The following CAMK1D variants were observed in gnomAD, a reference collection of about 807,000 sequenced individuals.
CAMK1D encodes the protein calcium/calmodulin dependent protein kinase ID.
A neutral mutation model predicts 47.7 loss-of-function variants in CAMK1D; 9 were observed. The ratio of observed to expected loss-of-function variants is 0.19; its 90% CI spans 0.11 to 0.33. The LOEUF (loss-of-function observed/expected upper bound fraction) is 0.33, where lower values mean the gene tolerates loss of function less well. Ranked by LOEUF, CAMK1D falls within the 10% of genes least tolerant of loss-of-function variation. CAMK1D has a pLI of 1.00. For synonymous variants in CAMK1D, 184 were observed against 184.9 expected, an observed-to-expected ratio of 0.99 and a Z score of 0.04; for missense variants, 291 against 488.7, an observed-to-expected ratio of 0.60 and a Z score of 3.81.
At chr10:12,455,779 T>C (rs952301400) in intron 1 of CAMK1D, among the ~76,000 whole-genome samples, 8 of 152,182 alleles carry the variant, frequency 5.3e-5, no homozygotes, top group Non-Finnish European at 5.9e-5. Flanking sequence ...GTTCTTAGAA[T>C]TGACATTTAC....
At chr10:12,423,016 G>T (rs1394491931) in intron 1 of CAMK1D, among the ~76,000 whole-genome samples, 4 of 152,000 alleles carry the variant, frequency 2.6e-5, no homozygotes. Context: ...ACTATGACTT[G>T]TTTCTTTTGG....
intron 6 of CAMK1D, among the ~76,000 whole-genome samples, chr10:12,802,219 A>G (rs1838511614): frequency 6.6e-6 from 1 of 152,174 alleles, no homozygotes; most frequent in South Asian, 2.1e-4. Context: ...ATTTCTCCCC[A>G]TCAGCGAGGC....
intron 3 of CAMK1D, among the ~76,000 whole-genome samples, chr10:12,751,232 G>A (rs1037605385): frequency 3.3e-5 from 5 of 152,108 alleles, no homozygotes; most frequent in Non-Finnish European, 5.9e-5. Context: ...CACTCACTAT[G>A]CAGTTTTGTG....
intron 1 of CAMK1D, among the ~76,000 whole-genome samples, chr10:12,451,492 C>G (rs1285347191): frequency 6.6e-6 from 1 of 152,172 alleles, no homozygotes; most frequent in Non-Finnish European, 1.5e-5. Flanking sequence ...TGCCCTGGCT[C>G]CATTTGAGGA....
chr10:12,465,541 G>C (rs965411538), intron 1 of CAMK1D, among the ~76,000 whole-genome samples: 2 of 152,144 alleles, frequency 1.3e-5, no homozygotes, highest in Non-Finnish European at 2.9e-5. Flanking sequence ...TTTTAGTAGA[G>C]ATGGCGTTTC....
chr10:12,720,367 C>T (rs566665699), intron 3 of CAMK1D, among the ~76,000 whole-genome samples: 2 of 152,340 alleles, frequency 1.3e-5, no homozygotes, highest in East Asian at 1.9e-4. Context: ...CTTAGGCCTT[C>T]ATTTACAGAT....
At chr10:12,560,034 G>A (rs1052052742) in intron 2 of CAMK1D, among the ~76,000 whole-genome samples, 3 of 152,132 alleles carry the variant, frequency 2.0e-5, no homozygotes, top group African/African-American at 7.2e-5. Flanking sequence ...TCCTCTCAAT[G>A]CGGACCAGAG....
intron 1 of CAMK1D, among the ~76,000 whole-genome samples, chr10:12,548,447 C>CTTTTTTTT (rs35061502): frequency 1.6e-4 from 13 of 81,196 alleles, no homozygotes; most frequent in East Asian, 4.1e-4. Context: ...CCATTTTAAG[C>CTTTTTTTT]TTTTTTTTTT....
At chr10:12,568,121 C>CTGT in intron 2 of CAMK1D, among the ~76,000 whole-genome samples, 1 of 49,850 alleles carries the variant, frequency 2.0e-5, no homozygotes, top group African/African-American at 8.6e-5. Context: ...GCCTTCCTGC[C>CTGT]CTCCTTCCCT....
intron 6 of CAMK1D, among the ~76,000 whole-genome samples, chr10:12,804,551 T>C (rs1838631843): frequency 6.6e-6 from 1 of 151,922 alleles, no homozygotes; most frequent in South Asian, 2.1e-4. Flanking sequence ...GAGGTGGAGA[T>C]TGTACCATTG....
chr10:12,524,165 C>T (rs1205748741), intron 1 of CAMK1D, among the ~76,000 whole-genome samples: 1 of 151,574 alleles, frequency 6.6e-6, no homozygotes, highest in Admixed American at 6.6e-5. Flanking sequence ...CAGGGTTTCA[C>T]GTTGTTAGCC....
chr10:12,748,422 G>A (rs1835779804), intron 3 of CAMK1D, among the ~76,000 whole-genome samples: 2 of 152,166 alleles, frequency 1.3e-5, no homozygotes, highest in African/African-American at 4.8e-5. Flanking sequence ...AGGGGCCCAC[G>A]GGCAGGGATG....
At chr10:12,729,852 C>T (rs951925928) in intron 3 of CAMK1D, among the ~76,000 whole-genome samples, 5 of 151,884 alleles carry the variant, frequency 3.3e-5, no homozygotes, top group South Asian at 2.1e-4. Flanking sequence ...CAAGGCCCAG[C>T]GGAAGGCTGG....
At chr10:12,419,424 T>C (rs1839970035) in intron 1 of CAMK1D, among the ~76,000 whole-genome samples, 1 of 152,168 alleles carries the variant, frequency 6.6e-6, no homozygotes, top group Non-Finnish European at 1.5e-5. Context: ...TCCAAGTTAC[T>C]ATGAAAAATG....
chr10:12,739,520 A>T (rs910566848), intron 3 of CAMK1D, among the ~76,000 whole-genome samples: 3 of 145,790 alleles, frequency 2.1e-5, no homozygotes, highest in African/African-American at 5.1e-5. Flanking sequence ...CGAACTCCTG[A>T]CCTCGTGATC....
At chr10:12,794,363 A>G (rs1227071528) in intron 6 of CAMK1D, among the ~76,000 whole-genome samples, 1 of 152,142 alleles carries the variant, frequency 6.6e-6, no homozygotes, top group Non-Finnish European at 1.5e-5. Context: ...GGGTGAGATC[A>G]ATAATTTGGT....
chr10:12,760,739 T>A (rs1198001765), intron 3 of CAMK1D: 6 of 549,752 alleles, frequency 1.1e-5, no homozygotes, highest in African/African-American at 3.8e-5. Context: ...CGTGTTTTTT[T>A]AAATTTCCTT....
chr10:12,448,568 G>T (rs555304966), intron 1 of CAMK1D, among the ~76,000 whole-genome samples: 3 of 152,236 alleles, frequency 2.0e-5, no homozygotes, highest in African/African-American at 7.2e-5. Flanking sequence ...AGATACTACG[G>T]ACTTCTTGCC....
chr10:12,600,341 A>G (rs989546222), intron 2 of CAMK1D, among the ~76,000 whole-genome samples: 1 of 152,186 alleles, frequency 6.6e-6, no homozygotes, highest in East Asian at 1.9e-4. Flanking sequence ...GAATGAAACA[A>G]TGGGCCCTAC....
Sources: gnomAD v4.1 joint callset for allele counts (sites outside exome capture counted in the v4.1 genomes callset) on GRCh38, gnomAD v4.1.1 for gene constraint, MANE v1.5 for transcripts, NCBI Gene and HGNC (gene_info 2026-07-23, HGNC 2026-07-21) for gene names.